Variants in TENM3 observed in about 807,000 individuals in gnomAD.
The protein encoded by TENM3 is teneurin transmembrane protein 3, also known as teneurin-3.
A neutral mutation model predicts 255.1 loss-of-function variants in TENM3; 63 were observed. That is an observed-to-expected ratio of 0.25 (90% confidence interval 0.20 to 0.30). The LOEUF (loss-of-function observed/expected upper bound fraction) is 0.30, where lower values mean the gene tolerates loss of function less well. Among genes scored for constraint, TENM3 ranks in the 10% least tolerant of loss-of-function variants. TENM3 has a pLI of 1.00. For synonymous variants in TENM3, 1,306 were observed against 1,322.3 expected (o/e 0.99, Z 0.27); for missense variants, 2,929 against 3,461.1 (o/e 0.85, Z 3.86).
At chr4:181,765,079 T>C in the TENM3 span, among the ~76,000 whole-genome samples, 1 of 152,212 alleles carries the variant, frequency 6.6e-6, no homozygotes, top group Admixed American at 6.5e-5. Flanking sequence ...CGTTTCATTT[T>C]AAAGAAAAGC....
At chr4:182,788,075 C>G (rs1765821507) in intron 24 of TENM3, among the ~76,000 whole-genome samples, 1 of 152,098 alleles carries the variant, frequency 6.6e-6, no homozygotes, top group Non-Finnish European at 1.5e-5. Context: ...AATTGGTCAG[C>G]TGGATCTGTC....
the TENM3 span, among the ~76,000 whole-genome samples, chr4:182,046,549 AAATAATAATAATAAT>A: frequency 2.4e-4 from 35 of 143,110 alleles, no homozygotes; most frequent in Middle Eastern, 3.3e-3. Context: ...ACAAAAAACT[AAATAATAATAATAAT>A]AATAATAATA....
At chr4:181,684,633 G>A in the TENM3 span, among the ~76,000 whole-genome samples, 1 of 152,162 alleles carries the variant, frequency 6.6e-6, no homozygotes, top group Non-Finnish European at 1.5e-5. Flanking sequence ...CCCTTATTCT[G>A]TATAGACTGA....
chr4:182,545,910 C>G (rs1375521348), intron 3 of TENM3, among the ~76,000 whole-genome samples: 1 of 152,186 alleles, frequency 6.6e-6, no homozygotes, highest in Admixed American at 6.5e-5. Flanking sequence ...ACATTTGACT[C>G]CTCCAAAACT....
At chr4:181,717,480 T>C in the TENM3 span, among the ~76,000 whole-genome samples, 3 of 152,214 alleles carry the variant, frequency 2.0e-5, no homozygotes, top group African/African-American at 7.2e-5. Flanking sequence ...AACCAGATAA[T>C]AGACTCTTAA....
chr4:181,712,622 C>T, the TENM3 span, among the ~76,000 whole-genome samples: 3 of 152,114 alleles, frequency 2.0e-5, no homozygotes. Context: ...CCTATTACTC[C>T]CTCAGTCCAT....
chr4:181,825,422 AAAAAC>A, the TENM3 span, among the ~76,000 whole-genome samples: 1 of 149,188 alleles, frequency 6.7e-6, no homozygotes, highest in East Asian at 2.1e-4. Context: ...AAAAAAAAAA[AAAAAC>A]AGAGAATAGT....
chr4:182,392,843 T>C (rs1768531985), intron 3 of TENM3, among the ~76,000 whole-genome samples: 1 of 152,222 alleles, frequency 6.6e-6, no homozygotes, highest in African/African-American at 2.4e-5. Context: ...GGAGAAGCTG[T>C]CTGAGCTATT....
At chr4:182,515,440 T>G (rs1737839835) in intron 3 of TENM3, among the ~76,000 whole-genome samples, 1 of 152,158 alleles carries the variant, frequency 6.6e-6, no homozygotes, top group Non-Finnish European at 1.5e-5. Context: ...TTTCAGTTAT[T>G]TAGCTTAGAA....
the TENM3 span, among the ~76,000 whole-genome samples, chr4:181,966,574 G>C: frequency 6.6e-6 from 1 of 152,110 alleles, no homozygotes; most frequent in African/African-American, 2.4e-5. Flanking sequence ...AATAAAATGC[G>C]AGCTGAAATC....
chr4:181,527,185 C>T, the TENM3 span, among the ~76,000 whole-genome samples: 1 of 152,192 alleles, frequency 6.6e-6, no homozygotes, highest in Non-Finnish European at 1.5e-5. Context: ...GTCTGGAAAA[C>T]ATTAAATGTG....
At chr4:182,325,957 G>A (rs1763370440) in intron 2 of TENM3, among the ~76,000 whole-genome samples, 3 of 152,148 alleles carry the variant, frequency 2.0e-5, no homozygotes, top group African/African-American at 7.2e-5. Context: ...CCTTGATCCA[G>A]CGCAGACTGT....
At position 182,793,205 on chromosome 4, in the gene TENM3, G is replaced by A. The variant is rs1412887730; in HGVS notation, c.6533G>A (p.Arg2178Gln). The A allele has an allele frequency of 7.4e-6, 12 of 1,613,890 alleles. No homozygotes were observed. The highest frequency in any genetic ancestry group is 6.7e-5 in the Admixed American group (4 of 60,012). Residue 2178 changes from arginine (R) to glutamine (Q), a missense_variant, in exon 26 of 28, where the codon CGA becomes CAA. Arg to Gln is a conservative substitution (Grantham distance 43). Around this residue, in one of 6 missense-constraint regions of TENM3, gnomAD observed 256 missense variants for 389.3 expected, o/e 0.66. Transcript: ENST00000511685. The surrounding 1 kb of genome is among the most constrained non-coding windows in gnomAD (Gnocchi z 5.7). ...CTGACACCCCTTCGCTATGACCTGCGAGACAGAATCACTCGACTGGGTGAT... is the reference window on the plus strand; with the variant it reads ...CTGACACCCCTTCGCTATGACCTGCAAGACAGAATCACTCGACTGGGTGAT... Reference protein sequence around the residue: ...ARLTPLRYDLRDRITRLGDVQ... With the variant: ...ARLTPLRYDLQDRITRLGDVQ...
the TENM3 span, among the ~76,000 whole-genome samples, chr4:182,092,196 C>T: frequency 6.6e-6 from 1 of 152,050 alleles, no homozygotes; most frequent in Middle Eastern, 3.2e-3. Context: ...CAAAAATTAG[C>T]CAGGCATGGT....
chr4:182,158,112 A>G (rs1750837870), intron 1 of TENM3, among the ~76,000 whole-genome samples: 2 of 152,218 alleles, frequency 1.3e-5, no homozygotes, highest in Non-Finnish European at 2.9e-5. Flanking sequence ...AGGACTGTGA[A>G]CTAAAGGGCA....
intron 5 of TENM3, among the ~76,000 whole-genome samples, chr4:182,631,114 A>G (rs1349866235): frequency 1.3e-5 from 2 of 152,090 alleles, no homozygotes; most frequent in Non-Finnish European, 2.9e-5. Context: ...GTAATTACCA[A>G]TCTGCTTTAT....
chr4:181,458,734 T>C, the TENM3 span, among the ~76,000 whole-genome samples: 2 of 151,960 alleles, frequency 1.3e-5, no homozygotes, highest in African/African-American at 4.8e-5. Flanking sequence ...GGTAATACAT[T>C]GCTTTGTATT....
At chr4:182,016,129 A>T in the TENM3 span, among the ~76,000 whole-genome samples, 1 of 152,092 alleles carries the variant, frequency 6.6e-6, no homozygotes, top group East Asian at 1.9e-4. Context: ...CCTGGTTGAG[A>T]GACAGTTCTC....
At chr4:182,374,129 A>C (rs1053596298) in intron 3 of TENM3, among the ~76,000 whole-genome samples, 5 of 152,142 alleles carry the variant, frequency 3.3e-5, no homozygotes, top group African/African-American at 1.2e-4. Flanking sequence ...TTTGTGTCTT[A>C]CTATTTCTGT....
Sources: allele counts gnomAD v4.1 joint callset (sites outside exome capture counted in the v4.1 genomes callset), GRCh38; gene constraint gnomAD v4.1.1; regional missense constraint gnomAD v4.1.1; non-coding constraint Gnocchi (gnomAD v3.1); transcripts MANE v1.5; gene names NCBI Gene and HGNC (gene_info 2026-07-23, HGNC 2026-07-21).